The following LRMDA variants were observed in gnomAD, a reference collection of about 807,000 sequenced individuals.
The protein encoded by LRMDA is leucine-rich melanocyte differentiation-associated protein.
Under a neutral mutation model 29.8 loss-of-function variants are expected in LRMDA, and 18 were observed. The ratio of observed to expected loss-of-function variants is 0.60; its 90% CI spans 0.42 to 0.90. The LOEUF (loss-of-function observed/expected upper bound fraction) is 0.90, where lower values mean the gene tolerates loss of function less well. Among genes scored for constraint, LRMDA ranks in the 40% least tolerant of loss-of-function variants. LRMDA has a pLI of 0.00. For missense variants in LRMDA, 273 were observed against 273.9 expected (o/e 1.00, Z 0.02); for synonymous variants, 125 against 109.4 (o/e 1.14, Z -0.89).
chr10:75,466,859 T>C (rs1844657161), intron 2 of LRMDA, among the ~76,000 whole-genome samples: 1 of 152,154 alleles, frequency 6.6e-6, no homozygotes, highest in Non-Finnish European at 1.5e-5. Flanking sequence ...TTCTAGCTTT[T>C]GGGAATAAAT....
intron 5 of LRMDA, among the ~76,000 whole-genome samples, chr10:76,060,633 A>G (rs1848689241): frequency 6.6e-6 from 1 of 152,170 alleles, no homozygotes; most frequent in Admixed American, 6.5e-5. Context: ...TACCCTGTGG[A>G]TCTCTTTGTT....
At chr10:75,615,264 C>T (rs1474487489) in intron 2 of LRMDA, among the ~76,000 whole-genome samples, 1 of 152,180 alleles carries the variant, frequency 6.6e-6, no homozygotes, top group Non-Finnish European at 1.5e-5. Context: ...TGACAGCCAA[C>T]ATCAAAACAA....
chr10:75,566,377 A>C (rs1297003744), intron 2 of LRMDA, among the ~76,000 whole-genome samples: 2 of 152,142 alleles, frequency 1.3e-5, no homozygotes, highest in Non-Finnish European at 2.9e-5. Flanking sequence ...TGGGTATCTC[A>C]TGGGAACTTG....
intron 5 of LRMDA, among the ~76,000 whole-genome samples, chr10:76,310,197 A>C (rs1840612517): frequency 6.6e-6 from 1 of 152,220 alleles, no homozygotes; most frequent in East Asian, 1.9e-4. Flanking sequence ...ATGCCAGCTC[A>C]TTATTTTCTG....
At chr10:76,389,807 T>C (rs963727201) in intron 6 of LRMDA, among the ~76,000 whole-genome samples, 7 of 152,210 alleles carry the variant, frequency 4.6e-5, no homozygotes, top group African/African-American at 1.7e-4. Flanking sequence ...CAAAATTTCC[T>C]TTCTTTTTTA....
rs186087974 is a variant in LRMDA, at chr10:75,586,860, A to G, written c.131+148366A>G. ...CTATTCAGTTGTAGGAGTTGCTTAT[A>G]TATTTTGGAGATTAACCTCTTATCA... On this transcript the variant is annotated intron_variant, in intron 2 of 6. Coordinates refer to ENST00000611255, the MANE Select transcript of LRMDA (RefSeq NM_001305581.2). Among the ~76,000 whole-genome samples, 437 of 150,678 alleles carry G rather than the reference A, an allele frequency of 2.9e-3. 5 individuals carry two copies. The highest frequency in any genetic ancestry group is 0.014 in the Middle Eastern group (4 of 292).
chr10:75,619,079 A>G (rs375866188), intron 2 of LRMDA, among the ~76,000 whole-genome samples: 348 of 152,146 alleles, frequency 2.3e-3, no homozygotes, highest in Non-Finnish European at 4.4e-3. Flanking sequence ...TTACAGGTGT[A>G]AGCCACTGCA....
intron 2 of LRMDA, among the ~76,000 whole-genome samples, chr10:75,865,539 T>A (rs1247861884): frequency 6.6e-6 from 1 of 152,196 alleles, no homozygotes; most frequent in Non-Finnish European, 1.5e-5. Context: ...CCTTGTATAT[T>A]TTTAGCCAGA....
At chr10:76,181,222 T>C (rs1031755858) in intron 5 of LRMDA, among the ~76,000 whole-genome samples, 4 of 152,212 alleles carry the variant, frequency 2.6e-5, no homozygotes, top group African/African-American at 4.8e-5. Context: ...CACTGACCTC[T>C]TCCAGGCTGA....
intron 2 of LRMDA, among the ~76,000 whole-genome samples, chr10:75,689,538 A>G (rs939307984): frequency 2.6e-5 from 4 of 152,138 alleles, no homozygotes; most frequent in Non-Finnish European, 5.9e-5. Context: ...CCTCCCTATC[A>G]TCGGATGTGA....
At chr10:75,810,483 C>A (rs891150332) in intron 2 of LRMDA, among the ~76,000 whole-genome samples, 3 of 152,184 alleles carry the variant, frequency 2.0e-5, no homozygotes, top group African/African-American at 7.2e-5. Flanking sequence ...GCTGAAGGAA[C>A]AAAAGACGCC....
intron 5 of LRMDA, among the ~76,000 whole-genome samples, chr10:76,228,852 T>C (rs1297997195): frequency 6.6e-6 from 1 of 152,200 alleles, no homozygotes; most frequent in African/African-American, 2.4e-5. Flanking sequence ...TCCCACTAGC[T>C]TTACAAAAAG....
intron 2 of LRMDA, among the ~76,000 whole-genome samples, chr10:75,630,167 C>CCCTCCTGCTGCATTTT (rs1841304726): frequency 1.3e-5 from 2 of 152,326 alleles, no homozygotes; most frequent in Non-Finnish European, 2.9e-5. Flanking sequence ...AGACCCACGG[C>CCCTCCTGCTGCATTTT]CCTCCTGCTG....
intron 6 of LRMDA, among the ~76,000 whole-genome samples, chr10:76,551,424 A>C (rs1256335542): frequency 6.6e-6 from 1 of 152,182 alleles, no homozygotes; most frequent in Non-Finnish European, 1.5e-5. Context: ...TTTTAATGGT[A>C]TTAATTTATT....
intron 2 of LRMDA, among the ~76,000 whole-genome samples, chr10:75,808,668 C>T (rs552627678): frequency 2.0e-5 from 3 of 151,954 alleles, no homozygotes; most frequent in Admixed American, 6.5e-5. Flanking sequence ...CACCACCATG[C>T]GCAGCTAATT....
At chr10:75,837,125 ATAGT>A (rs1215163856) in intron 2 of LRMDA, among the ~76,000 whole-genome samples, 1 of 152,212 alleles carries the variant, frequency 6.6e-6, no homozygotes, top group East Asian at 1.9e-4. Flanking sequence ...AGTACTCAAG[ATAGT>A]GCTGAGTGTT....
At chr10:76,084,905 A>T in intron 5 of LRMDA, among the ~76,000 whole-genome samples, 1 of 152,278 alleles carries the variant, frequency 6.6e-6, no homozygotes, top group East Asian at 1.9e-4. Flanking sequence ...GCTCAATGTC[A>T]TCTTCATTAC....
At chr10:76,523,236 C>T (rs191263371) in intron 6 of LRMDA, among the ~76,000 whole-genome samples, 7 of 152,198 alleles carry the variant, frequency 4.6e-5, no homozygotes, top group East Asian at 3.9e-4. Context: ...CCTCCAGCCC[C>T]GACCTGAGCT....
At chr10:75,800,128 T>TG (rs1843723240) in intron 2 of LRMDA, among the ~76,000 whole-genome samples, 1 of 152,200 alleles carries the variant, frequency 6.6e-6, no homozygotes, top group South Asian at 2.1e-4. Flanking sequence ...CTTTTACCTC[T>TG]GTCTAGTTTT....
Sources: gnomAD v4.1 joint callset for allele counts (sites outside exome capture counted in the v4.1 genomes callset) on GRCh38, gnomAD v4.1.1 for gene constraint, MANE v1.5 for transcripts, NCBI Gene and HGNC (gene_info 2026-07-23, HGNC 2026-07-21) for gene names.